Variants in SLC25A21 observed in about 807,000 individuals in gnomAD.
The protein encoded by SLC25A21 is mitochondrial 2-oxodicarboxylate carrier.
SLC25A21 carries 47 observed loss-of-function variants against 43.8 expected under a neutral mutation model. The ratio of observed to expected loss-of-function variants is 1.07; its 90% CI spans 0.85 to 1.37. SLC25A21 has a LOEUF of 1.37. Ranked by LOEUF, SLC25A21 falls within the 40% of genes most tolerant of loss-of-function variation. The pLI is 0.00. For missense variants in SLC25A21, 352 were observed against 350.2 expected, an observed-to-expected ratio of 1.00 and a Z score of -0.04; for synonymous variants, 131 against 121.3, an observed-to-expected ratio of 1.08 and a Z score of -0.52.
chr14:36,776,230 C>CTTTTTTTTTTTTT lies in SLC25A21; in HGVS notation c.203+37687_203+37688insAAAAAAAAAAAAA, dbSNP rs1328087696. On this transcript the variant is annotated intron_variant, in intron 3 of 9. Coordinates refer to ENST00000331299, the MANE Select transcript of SLC25A21 (RefSeq NM_030631.4). Reference sequence around the variant, plus strand: ...ACTGCTTTCTTTTTTCTTTTTCTTTCTTTCTTTCTTTTTTTTTTTTTTTTG... The same window carrying CTTTTTTTTTTTTT: ...ACTGCTTTCTTTTTTCTTTTTCTTTCTTTTTTTTTTTTTTTTCTTTCTTTTTTTTTTTTTTTTG... Among the ~76,000 whole-genome samples the CTTTTTTTTTTTTT allele has an allele frequency of 4.3e-3, 301 of 70,702 alleles. 66 individuals carry two copies. The highest frequency in any genetic ancestry group is 0.014 in the Middle Eastern group (2 of 146). The allele number at this position is 70,702 out of a possible 152,430, so 46.4% of individuals were successfully genotyped here. A position where few individuals can be genotyped will look rare whatever the true frequency, so the allele number is the denominator to read the frequency against.
At chr14:36,941,744 A>G (rs1892563384) in intron 1 of SLC25A21, among the ~76,000 whole-genome samples, 2 of 151,980 alleles carry the variant, frequency 1.3e-5, no homozygotes, top group African/African-American at 4.8e-5. Context: ...TCAAATTTTT[A>G]TCTCAAGAAG....
At chr14:36,785,855 C>T (rs557006675) in intron 3 of SLC25A21, among the ~76,000 whole-genome samples, 48 of 152,154 alleles carry the variant, frequency 3.2e-4, no homozygotes, top group Non-Finnish European at 5.9e-4. Context: ...TACTAAGTCC[C>T]ACCATGGTTA....
intron 1 of SLC25A21, among the ~76,000 whole-genome samples, chr14:37,111,208 TA>T (rs1210207069): frequency 2.0e-4 from 30 of 152,214 alleles, no homozygotes; most frequent in Non-Finnish European, 3.8e-4. Context: ...TTCAACCTGT[TA>T]AACTGATAAA....
Position 36,679,286 on chromosome 14 carries a change from T to C in SLC25A21, c.*1372A>G. The C allele has an allele frequency of 1.0e-6, 1 of 978,940 alleles. No homozygotes were observed. The highest frequency in any genetic ancestry group is 1.2e-6 in the Non-Finnish European group (1 of 824,072). The allele number at this position is 978,940 out of a possible 1,614,324, so 60.6% of individuals were successfully genotyped here. ...GGAAAGGATGTACAACAGAAGGCTA[T>C]GTATGTATATACAGTATGTCAAAAG... On this transcript the variant is annotated 3_prime_UTR_variant, in exon 10 of 10. Coordinates refer to ENST00000331299, the MANE Select transcript of SLC25A21 (RefSeq NM_030631.4).
intron 1 of SLC25A21, among the ~76,000 whole-genome samples, chr14:37,149,864 A>T (rs1364889699): frequency 6.6e-6 from 1 of 152,166 alleles, no homozygotes; most frequent in South Asian, 2.1e-4. Flanking sequence ...TTATTTAAAA[A>T]TTTTTTAAAG....
At chr14:36,825,097 T>C (rs1888778031) in intron 2 of SLC25A21, among the ~76,000 whole-genome samples, 1 of 152,202 alleles carries the variant, frequency 6.6e-6, no homozygotes, top group East Asian at 1.9e-4. Flanking sequence ...ACTGCATCGA[T>C]ACATTCTGGA....
At position 36,922,137 on chromosome 14, in the gene SLC25A21, T is replaced by TAAAAAAA. The variant is rs564666171; in HGVS notation, c.71-47140_71-47134dup. 2.9e-3 allele frequency among the ~76,000 whole-genome samples: 386 copies of TAAAAAAA among 131,224 alleles called. 3 individuals carry two copies. The highest frequency in any genetic ancestry group is 0.011 in the African/African-American group (378 of 35,650). 86.1% of individuals were successfully genotyped at this position (131,224 alleles called of 152,430 possible). A position where few individuals can be genotyped will look rare whatever the true frequency, so the allele number is the denominator to read the frequency against. ...CTGGGCAACAGAGCGAGATTCTGCC[T>TAAAAAAA]AAAAAAAAAAAAAAAATTGTAGTAT... On this transcript the variant is annotated intron_variant, in intron 1 of 9. Coordinates refer to ENST00000331299, the MANE Select transcript of SLC25A21 (RefSeq NM_030631.4).
intron 3 of SLC25A21, among the ~76,000 whole-genome samples, chr14:36,779,416 T>C (rs1886957504): frequency 6.9e-6 from 1 of 145,028 alleles, no homozygotes; most frequent in African/African-American, 2.5e-5. Context: ...TATTCTTATA[T>C]ATATAAAGAA....
chr14:36,731,738 G>A (rs1884835384), intron 4 of SLC25A21, among the ~76,000 whole-genome samples: 1 of 152,124 alleles, frequency 6.6e-6, no homozygotes, highest in Non-Finnish European at 1.5e-5. Context: ...GGCGTGCACT[G>A]GTCAATACTC....
At chr14:36,994,564 A>G (rs537841631) in intron 1 of SLC25A21, among the ~76,000 whole-genome samples, 2 of 152,258 alleles carry the variant, frequency 1.3e-5, no homozygotes, top group South Asian at 4.1e-4. Flanking sequence ...TACGCACTCT[A>G]AAAAAGGGAC....
intron 1 of SLC25A21, among the ~76,000 whole-genome samples, chr14:36,979,916 A>G (rs60910364): frequency 0.15 from 22,108 of 152,112 alleles, 5,368 homozygotes; most frequent in African/African-American, 0.5. Flanking sequence ...TAAATAAAAC[A>G]TATTTTTTAA....
intron 1 of SLC25A21, among the ~76,000 whole-genome samples, chr14:37,123,402 G>A (rs1304770094): frequency 6.6e-6 from 1 of 152,172 alleles, no homozygotes; most frequent in East Asian, 1.9e-4. Context: ...TCCTTCTGAG[G>A]AAGCAATTTT....
chr14:36,866,725 A>T (rs750387176), intron 2 of SLC25A21, among the ~76,000 whole-genome samples: 1 of 152,062 alleles, frequency 6.6e-6, no homozygotes. Context: ...TAATCCAGGG[A>T]CCTCTAGCCC....
chr14:36,699,745 C>A (rs1203580533), intron 7 of SLC25A21, among the ~76,000 whole-genome samples: 1 of 152,138 alleles, frequency 6.6e-6, no homozygotes, highest in African/African-American at 2.4e-5. Flanking sequence ...GGGCGTGGGA[C>A]CCACCGAGCC....
intron 1 of SLC25A21, among the ~76,000 whole-genome samples, chr14:37,044,590 T>A (rs1188099100): frequency 1.3e-5 from 2 of 152,206 alleles, no homozygotes; most frequent in Non-Finnish European, 2.9e-5. Context: ...ATAGGAACAC[T>A]GGCTTTGTAT....
At chr14:36,830,512 G>A (rs1012031690) in intron 2 of SLC25A21, among the ~76,000 whole-genome samples, 2 of 151,828 alleles carry the variant, frequency 1.3e-5, no homozygotes, top group African/African-American at 4.8e-5. Context: ...TAAGTCTTTG[G>A]TGATAACACA....
At chr14:37,061,849 G>A (rs114543732) in intron 1 of SLC25A21, among the ~76,000 whole-genome samples, 1 of 152,312 alleles carries the variant, frequency 6.6e-6, no homozygotes, top group Non-Finnish European at 1.5e-5. Flanking sequence ...TCAAAAAATT[G>A]TGGTTCAATT....
At position 37,063,871 on chromosome 14, in the gene SLC25A21, A is replaced by G. The variant is rs534685800; in HGVS notation, c.70+108410T>C. Among the ~76,000 whole-genome samples, 96 of 152,306 alleles carry G rather than the reference A, an allele frequency of 6.3e-4. 1 individual carries two copies. Among genetic ancestry groups the G allele is most frequent in the Admixed American group, 3.1e-3 (48 of 15,306 alleles). ...ATCCCACATAACAATTAGGCAGTAA[A>G]CCGAAATGCAACCCAAACAAGACTT... On this transcript the variant is annotated intron_variant, in intron 1 of 9. Transcript: ENST00000331299.
chr14:36,784,246 A>G (rs888622031), intron 3 of SLC25A21, among the ~76,000 whole-genome samples: 1 of 152,246 alleles, frequency 6.6e-6, no homozygotes. Context: ...TCCATTGACT[A>G]TTAGCACAAG....
Sources: gnomAD v4.1 joint callset for allele counts (sites outside exome capture counted in the v4.1 genomes callset) on GRCh38, gnomAD v4.1.1 for gene constraint, MANE v1.5 for transcripts, NCBI Gene and HGNC (gene_info 2026-07-23, HGNC 2026-07-21) for gene names.